PPP1R42: variants seen among roughly 807,000 people sequenced by gnomAD.
PPP1R42 encodes protein phosphatase 1 regulatory subunit 42.
Under a neutral mutation model 31.0 loss-of-function variants are expected in PPP1R42, and 34 were observed. The ratio of observed to expected loss-of-function variants is 1.10; its 90% CI spans 0.83 to 1.46. The LOEUF (loss-of-function observed/expected upper bound fraction) is 1.46, where lower values mean the gene tolerates loss of function less well. Ranked by LOEUF, PPP1R42 falls within the 40% of genes most tolerant of loss-of-function variation. The pLI is 0.00. For missense variants in PPP1R42, 268 were observed against 303.0 expected (o/e 0.88, Z 0.86); for synonymous variants, 103 against 109.8 (o/e 0.94, Z 0.39).
chr8:66,971,041 T>C lies in PPP1R42; in HGVS notation c.803-6707A>G, dbSNP rs758503021. On this transcript the variant is annotated intron_variant, in intron 7 of 7. Transcript: ENST00000685739. Reference sequence around the variant, plus strand: ...GGAACTTTCTGGAGATGCATTTGCATTTACAGGGTATCTCTGTATTTCAGA... The same window carrying C: ...GGAACTTTCTGGAGATGCATTTGCACTTACAGGGTATCTCTGTATTTCAGA... 1.2e-5 allele frequency: 19 copies of C among 1,532,116 alleles called. No homozygotes were observed. The South Asian group carries it at 1.8e-4, about 15-fold the overall frequency. The allele number at this position is 1,532,116 out of a possible 1,614,324, so 94.9% of individuals were successfully genotyped here.
At chr8:66,986,124 T>C (rs1815003802) in intron 6 of PPP1R42, 1 of 684,028 alleles carries the variant, frequency 1.5e-6, no homozygotes. Context: ...AGCAGTTCAA[T>C]GCTGCTGTGA....
chr8:67,005,442 T>G (rs1184569222), intron 5 of PPP1R42, among the ~76,000 whole-genome samples: 1 of 152,182 alleles, frequency 6.6e-6, no homozygotes, highest in Admixed American at 6.5e-5. Context: ...TGCCATGACT[T>G]TTAAATATCA....
At chr8:66,993,036 A>C (rs964841192) in intron 5 of PPP1R42, among the ~76,000 whole-genome samples, 20 of 152,122 alleles carry the variant, frequency 1.3e-4, no homozygotes, top group Admixed American at 1.3e-3. Context: ...CAAACCCTAC[A>C]CTACCAAAAC....
At chr8:66,982,306 A>G (rs1216161847) in intron 6 of PPP1R42, 126 bp from the exon 7 acceptor site, 10 of 439,258 alleles carry the variant, frequency 2.3e-5, no homozygotes, top group Non-Finnish European at 3.9e-5. Flanking sequence ...TTTGTTTTTA[A>G]AATACATTAA....
intron 5 of PPP1R42, among the ~76,000 whole-genome samples, chr8:67,009,744 T>C (rs1204787426): frequency 6.6e-6 from 1 of 152,208 alleles, no homozygotes; most frequent in African/African-American, 2.4e-5. Context: ...AGGAATTCAT[T>C]TGTGCTAGAA....
chr8:66,993,375 T>C (rs1238285774), intron 5 of PPP1R42, among the ~76,000 whole-genome samples: 2 of 152,218 alleles, frequency 1.3e-5, no homozygotes, highest in Non-Finnish European at 2.9e-5. Flanking sequence ...CTCCTCATTG[T>C]TCTAAGGATA....
In PPP1R42 at chr8:67,013,071, C is replaced by T. The variant is rs1815892642; in HGVS notation, c.322G>A (p.Val108Ile). Reference sequence around the variant, plus strand: ...CCTAATCCTTCTAAACCTTCTATGACAGCAATGTAATTGCCTCCCAGATAC... The same window carrying T: ...CCTAATCCTTCTAAACCTTCTATGATAGCAATGTAATTGCCTCCCAGATAC... ...KLYLGGNYIA[V>I]IEGLEGLGEL... is the part of the protein sequence containing the mutation. Residue 108 changes from valine to isoleucine, a missense_variant, in exon 4 of 8, where the codon GTC (valine) becomes ATC (isoleucine). Val to Ile is a conservative substitution (Grantham distance 29). Transcript: ENST00000685739. 1 of 1,602,010 alleles carries T rather than the reference C, an allele frequency of 6.2e-7. No individual in the cohort carries two copies. The highest frequency in any genetic ancestry group is 1.7e-5 in the Admixed American group (1 of 57,602).
intron 6 of PPP1R42, among the ~76,000 whole-genome samples, chr8:66,983,265 ATTGTG>A (rs1425794063): frequency 5.3e-5 from 8 of 152,096 alleles, no homozygotes; most frequent in Admixed American, 5.2e-4. Flanking sequence ...GCTTATTAAT[ATTGTG>A]TTGTGAACAT....
intron 7 of PPP1R42, among the ~76,000 whole-genome samples, chr8:66,965,263 CAAAA>C (rs35319935): frequency 1.5e-4 from 10 of 66,582 alleles, no homozygotes; most frequent in Non-Finnish European, 2.8e-4. Flanking sequence ...GACTCCGTCT[CAAAA>C]AAAAAAAAAA....
chr8:66,966,907 A>G (rs1315041927), intron 7 of PPP1R42, among the ~76,000 whole-genome samples: 1 of 152,218 alleles, frequency 6.6e-6, no homozygotes, highest in Non-Finnish European at 1.5e-5. Context: ...AGAGTAAACC[A>G]TTGACAGAGT....
At chr8:67,020,892 C>T (rs934700335) in intron 1 of PPP1R42, among the ~76,000 whole-genome samples, 3 of 152,110 alleles carry the variant, frequency 2.0e-5, no homozygotes, top group South Asian at 4.1e-4. Flanking sequence ...TCCAGGTTAG[C>T]GTAAGCTATG....
chr8:66,985,164 C>T lies in PPP1R42; in HGVS notation c.671-2984G>A. 4 of 1,139,070 alleles carry T rather than the reference C, an allele frequency of 3.5e-6. No individual in the cohort carries two copies. In the South Asian group the frequency reaches 4.9e-5, roughly 14 times the overall value. The allele number at this position is 1,139,070 out of a possible 1,614,324, so 70.6% of individuals were successfully genotyped here. On this transcript the variant is annotated intron_variant, in intron 6 of 7. Coordinates refer to ENST00000685739, the MANE Select transcript of PPP1R42 (RefSeq NM_001364910.1). Reference sequence around the variant, plus strand: ...CTGTTTTTTGAGCTGCTTGTGAAATCTCTGCCTGAAGCTTCTCCAGTTGAG... The same window carrying T: ...CTGTTTTTTGAGCTGCTTGTGAAATTTCTGCCTGAAGCTTCTCCAGTTGAG...
chr8:67,003,034 G>A (rs946220063), intron 5 of PPP1R42, among the ~76,000 whole-genome samples: 4 of 150,150 alleles, frequency 2.7e-5, no homozygotes, highest in Admixed American at 2.0e-4. Flanking sequence ...GCGTGGTGGC[G>A]GGTGCCTGTA....
chr8:67,016,596 A>G (rs1351757276), intron 2 of PPP1R42, among the ~76,000 whole-genome samples: 2 of 152,196 alleles, frequency 1.3e-5, no homozygotes, highest in Non-Finnish European at 2.9e-5. Context: ...AAAAGATTTC[A>G]CTGTTAAACT....
At position 66,984,317 on chromosome 8, in the gene PPP1R42, CTTCCTCATCAGG is replaced by C. The variant is rs1449635649; in HGVS notation, c.671-2149_671-2138del. On this transcript the variant is annotated intron_variant, in intron 6 of 7. Transcript: ENST00000685739. ...ACACATTTGTTGGTTTTCTTCACAG[CTTCCTCATCAGG>C]TTCCTCATGATCATCTCCCTTTGTG... 1.9e-5 allele frequency: 24 copies of C among 1,290,788 alleles called. 1 individual carries two copies. In the Middle Eastern group the frequency reaches 2.8e-3, roughly 151 times the overall value. 80.0% of individuals were successfully genotyped at this position (1,290,788 alleles called of 1,614,324 possible).
chr8:66,979,207 C>A (rs1365466839), intron 7 of PPP1R42, among the ~76,000 whole-genome samples: 1 of 152,086 alleles, frequency 6.6e-6, no homozygotes, highest in African/African-American at 2.4e-5. Context: ...GGTCTTTGAT[C>A]CATACTGAGT....
intron 6 of PPP1R42, chr8:66,985,631 T>A: frequency 7.4e-7 from 1 of 1,356,940 alleles, no homozygotes; most frequent in South Asian, 1.2e-5. Context: ...GCCTTCTCAA[T>A]GGCATCATTC....
At position 66,985,750 on chromosome 8, in the gene PPP1R42, AG is replaced by A; in HGVS notation, c.670+2649del. The A allele has an allele frequency of 3.2e-6, 4 of 1,261,590 alleles. No individual in the cohort carries two copies. The East Asian group carries it at 9.3e-5, about 29-fold the overall frequency. The allele number at this position is 1,261,590 out of a possible 1,614,324, so 78.1% of individuals were successfully genotyped here. A position where few individuals can be genotyped will look rare whatever the true frequency, so the allele number is the denominator to read the frequency against. ...AGGTGTAGGGGGGCTAATGAAGCAC[AG>A]CTGTTTTTTCCTCTCCTGGATTTGC... On this transcript the variant is annotated intron_variant, in intron 6 of 7. Coordinates refer to ENST00000685739, the MANE Select transcript of PPP1R42 (RefSeq NM_001364910.1).
chr8:66,965,325 T>C (rs1814350387), intron 7 of PPP1R42, among the ~76,000 whole-genome samples: 1 of 151,338 alleles, frequency 6.6e-6, no homozygotes, highest in Non-Finnish European at 1.5e-5. Flanking sequence ...TTATGAATAA[T>C]ATTATAAATG....
Sources: allele counts gnomAD v4.1 joint callset (sites outside exome capture counted in the v4.1 genomes callset), GRCh38; gene constraint gnomAD v4.1.1; transcripts MANE v1.5; gene names NCBI Gene and HGNC (gene_info 2026-07-23, HGNC 2026-07-21).